Variants in ALDH4A1 observed in about 807,000 individuals in gnomAD.
ALDH4A1 encodes the protein aldehyde dehydrogenase 4 family member A1, also known as delta-1-pyrroline-5-carboxylate dehydrogenase, mitochondrial.
Under a neutral mutation model 70.5 loss-of-function variants are expected in ALDH4A1, and 46 were observed. That is an observed-to-expected ratio of 0.65 (90% CI 0.51 to 0.83). ALDH4A1 has a LOEUF of 0.83. Ranked by LOEUF, ALDH4A1 falls within the 40% of genes least tolerant of loss-of-function variation. The pLI, the probability that ALDH4A1 is intolerant of heterozygous loss-of-function variation, is 0.00. For synonymous variants in ALDH4A1, 323 were observed against 324.3 expected, an observed-to-expected ratio of 1.00 and a Z score of 0.04; for missense variants, 749 against 766.5, an observed-to-expected ratio of 0.98 and a Z score of 0.27.
intron 1 of ALDH4A1, among the ~76,000 whole-genome samples, chr1:18,901,512 C>A (rs1329420256): frequency 6.6e-6 from 1 of 152,228 alleles, no homozygotes; most frequent in Non-Finnish European, 1.5e-5. Context: ...CTGTGTCCCA[C>A]CTACCTCTCC....
intron 1 of ALDH4A1, among the ~76,000 whole-genome samples, chr1:18,895,092 C>T (rs1935572646): frequency 6.6e-6 from 1 of 152,130 alleles, no homozygotes; most frequent in Non-Finnish European, 1.5e-5. Flanking sequence ...TAAATTGGAT[C>T]AGGTCAATAA....
intron 1 of ALDH4A1, 125 bp from the exon 2 acceptor site, chr1:18,890,230 T>A: frequency 1.3e-6 from 1 of 793,216 alleles, no homozygotes; most frequent in Non-Finnish European, 2.1e-6. Context: ...CCAATGCAAC[T>A]AGAAAGTGGG....
intron 11 of ALDH4A1, 125 bp from the exon 12 acceptor site, chr1:18,876,592 G>A: frequency 1.7e-6 from 2 of 1,168,338 alleles, no homozygotes; most frequent in South Asian, 1.5e-5. Context: ...AGGGGCAGGG[G>A]TAGGGGACGC....
At chr1:18,900,330 G>A (rs1935758332) in intron 1 of ALDH4A1, among the ~76,000 whole-genome samples, 1 of 152,180 alleles carries the variant, frequency 6.6e-6, no homozygotes, top group Admixed American at 6.5e-5. Context: ...CCCTGCGACT[G>A]TTTCTCCATA....
At chr1:18,895,716 T>C (rs1935594614) in intron 1 of ALDH4A1, among the ~76,000 whole-genome samples, 1 of 152,004 alleles carries the variant, frequency 6.6e-6, no homozygotes. Flanking sequence ...GCTTCAGAAA[T>C]CTATAGAGGG....
chr1:18,885,756 C>T (rs1935177516), intron 4 of ALDH4A1, 128 bp from the exon 5 acceptor site: 2 of 1,323,386 alleles, frequency 1.5e-6, no homozygotes, highest in Admixed American at 2.0e-5. Flanking sequence ...TCCCTGGGCC[C>T]TCAGCCCCCT....
rs899497437 is a variant in ALDH4A1, at chr1:18,877,147, C to G, written c.1185+61G>C. Reference sequence around the variant, plus strand: ...GTCAGGGTACCCTGTATCTCTTCCTCCCTCTTCCACCCACTCCAGGGCTTG... The same window carrying G: ...GTCAGGGTACCCTGTATCTCTTCCTGCCTCTTCCACCCACTCCAGGGCTTG... On this transcript the variant is annotated intron_variant, in intron 11 of 14. Coordinates refer to ENST00000375341, the MANE Select transcript of ALDH4A1 (RefSeq NM_003748.4). 6 of 1,571,020 alleles carry G rather than the reference C, an allele frequency of 3.8e-6. No homozygotes were observed. In the Admixed American group the frequency reaches 1.1e-4, roughly 28 times the overall value.
intron 14 of ALDH4A1, among the ~76,000 whole-genome samples, chr1:18,873,981 C>A (rs1477678893): frequency 6.6e-6 from 1 of 152,138 alleles, no homozygotes; most frequent in South Asian, 2.1e-4. Context: ...TGCACTAACC[C>A]CAGGCAGTGA....
In ALDH4A1 at chr1:18,897,260, C is replaced by T. The variant is rs556594794; in HGVS notation, c.62+5202G>A. ...GCAAGTCCAATATACAAAACACTTC[C>T]GGCCAGGCGCAGTGGCTCATGCCTA... is the stretch of plus-strand genomic sequence containing the variant. On this transcript the variant is annotated intron_variant, in intron 1 of 14. Transcript: ENST00000375341. The T allele has an allele frequency of 8.5e-5, 30 of 351,092 alleles. No homozygotes were observed. The East Asian group carries it at 2.5e-3, about 29-fold the overall frequency. The allele number at this position is 351,092 out of a possible 1,614,324, so 21.7% of individuals were successfully genotyped here. A position where few individuals can be genotyped will look rare whatever the true frequency, so the allele number is the denominator to read the frequency against.
At chr1:18,896,581 A>G (rs2100609502) in intron 1 of ALDH4A1, among the ~76,000 whole-genome samples, 1 of 152,352 alleles carries the variant, frequency 6.6e-6, no homozygotes, top group Non-Finnish European at 1.5e-5. Flanking sequence ...TGCAGGGCCC[A>G]GGGCGGGGCC....
chr1:18,897,281 G>A (rs928109274), intron 1 of ALDH4A1: 9 of 333,834 alleles, frequency 2.7e-5, no homozygotes, highest in South Asian at 6.7e-5. Context: ...AGTGGCTCAT[G>A]CCTATAATCC....
chr1:18,886,277 C>A (rs1300856338), intron 4 of ALDH4A1, among the ~76,000 whole-genome samples, 187 bp downstream of exon 4: 1 of 152,182 alleles, frequency 6.6e-6, no homozygotes, highest in Non-Finnish European at 1.5e-5. Context: ...CCTTTGTATG[C>A]CTGGCCCAGT....
chr1:18,890,572 T>TG, intron 1 of ALDH4A1: 1 of 587,926 alleles, frequency 1.7e-6, no homozygotes, highest in Non-Finnish European at 2.2e-6. Flanking sequence ...AAACCCACCT[T>TG]GGGGGTCCAC....
At chr1:18,895,494 T>C (rs1935586890) in intron 1 of ALDH4A1, among the ~76,000 whole-genome samples, 1 of 151,964 alleles carries the variant, frequency 6.6e-6, no homozygotes, top group African/African-American at 2.4e-5. Context: ...ATCCGATCCA[T>C]GAAGGCCATG....
Position 18,877,488 on chromosome 1 carries a change from G to C in ALDH4A1, c.1065C>G (p.Tyr355Ter). The C allele has an allele frequency of 6.2e-7, 1 of 1,603,120 alleles. No individual in the cohort carries two copies. The highest frequency in any genetic ancestry group is 8.5e-7 in the Non-Finnish European group (1 of 1,175,142). ...TCTGCGGCCACAGCGAGTGCGGCAC[G>C]TAGAGACGCGAGCACGCGGAACACT... ...GQKCSACSRL[Y>*]VPHSLWPQIK... The change falls in exon 10 of 15, where the codon TAC (tyrosine) becomes TAG (stop). Residue 355 changes from tyrosine to a stop codon, truncating the protein, a stop_gained. Transcript: ENST00000375341. LOFTEE classifies it high-confidence loss of function.
At chr1:18,877,100 G>T in intron 11 of ALDH4A1, 108 bp downstream of exon 11, 1 of 1,395,302 alleles carries the variant, frequency 7.2e-7, no homozygotes, top group Non-Finnish European at 9.9e-7. Flanking sequence ...GATCAAAGCA[G>T]TGGGGCTGGG....
intron 1 of ALDH4A1, chr1:18,890,647 A>C: frequency 1.0e-6 from 1 of 978,852 alleles, no homozygotes; most frequent in African/African-American, 1.7e-5. Context: ...GCCTCCTGTG[A>C]ACGTGGTTCT....
rs1052228267 is a variant in ALDH4A1 at position 18,880,249 on chromosome 1, C to T, written c.867-876G>A. On this transcript the variant is annotated intron_variant, in intron 8 of 14. Coordinates refer to ENST00000375341, the MANE Select transcript of ALDH4A1 (RefSeq NM_003748.4). The surrounding 1 kb of genome is among the most constrained non-coding windows in gnomAD (Gnocchi z 5.1). Reference sequence around the variant, plus strand: ...GTAAGAAGGACCCTGAGCTGCAGACCCGGGCGTCTGGCTGCCTCCAGGCAT... The same window carrying T: ...GTAAGAAGGACCCTGAGCTGCAGACTCGGGCGTCTGGCTGCCTCCAGGCAT... Among the ~76,000 whole-genome samples, 4 of 10,616 alleles carry T rather than the reference C, an allele frequency of 3.8e-4. No individual in the cohort carries two copies. The Admixed American group carries it at 5.8e-3, about 15-fold the overall frequency. The allele number at this position is 10,616 out of a possible 152,430, so 7.0% of individuals were successfully genotyped here. A position where few individuals can be genotyped will look rare whatever the true frequency, so the allele number is the denominator to read the frequency against.
chr1:18,888,138 G>A (rs755186928), intron 3 of ALDH4A1, among the ~76,000 whole-genome samples: 22 of 152,188 alleles, frequency 1.4e-4, no homozygotes, highest in African/African-American at 3.9e-4. Flanking sequence ...CCGCTGGAAC[G>A]GACAATGCAG....
Sources: gnomAD v4.1 joint callset for allele counts (sites outside exome capture counted in the v4.1 genomes callset) on GRCh38, gnomAD v4.1.1 for gene constraint, Gnocchi (gnomAD v3.1) non-coding constraint, MANE v1.5 for transcripts, NCBI Gene and HGNC (gene_info 2026-07-23, HGNC 2026-07-21) for gene names.